Variants in GOLM1 observed in about 807,000 individuals in gnomAD.
GOLM1 encodes epididymis luminal protein 46.
In GOLM1, 31 loss-of-function variants were observed where a neutral mutation model predicts 50.5. The ratio of observed to expected loss-of-function variants is 0.61; its 90% CI spans 0.46 to 0.83. The LOEUF (loss-of-function observed/expected upper bound fraction) is 0.83, where lower values mean the gene tolerates loss of function less well. Ranked by LOEUF, GOLM1 falls within the 40% of genes least tolerant of loss-of-function variation. The pLI is 0.00. For missense variants in GOLM1, 491 were observed against 501.3 expected (o/e 0.98, Z 0.20); for synonymous variants, 178 against 192.8 (o/e 0.92, Z 0.64).
At chr9:86,057,324 CAAT>C (rs1834022796) in intron 3 of GOLM1, among the ~76,000 whole-genome samples, 1 of 152,084 alleles carries the variant, frequency 6.6e-6, no homozygotes, top group African/African-American at 2.4e-5. Context: ...TATGAAAGCT[CAAT>C]AAGATGTAGT....
Position 86,066,444 on chromosome 9 carries a change from C to T in GOLM1, c.309+10968G>A, listed in dbSNP as rs144540491. ...AGCTTTTCTTCTTCTGGACACAAAACGATAAGCAAGTCACCAACACCTCTG... is the reference window on the plus strand; with the variant it reads ...AGCTTTTCTTCTTCTGGACACAAAATGATAAGCAAGTCACCAACACCTCTG... On this transcript the variant is annotated intron_variant, in intron 3 of 9. Coordinates refer to ENST00000388712, the MANE Select transcript of GOLM1 (RefSeq NM_016548.4). Among the ~76,000 whole-genome samples, 12 of 152,274 alleles carry T rather than the reference C, an allele frequency of 7.9e-5. No individual in the cohort carries two copies. In the South Asian group the frequency reaches 1.7e-3, roughly 21 times the overall value.
At chr9:86,055,464 G>T (rs1229926861) in intron 3 of GOLM1, among the ~76,000 whole-genome samples, 1 of 152,158 alleles carries the variant, frequency 6.6e-6, no homozygotes, top group Non-Finnish European at 1.5e-5. Context: ...TTTAAAGCAG[G>T]ATCCCTAAGA....
chr9:86,059,423 A>T (rs1328321283), intron 3 of GOLM1, among the ~76,000 whole-genome samples: 4 of 152,228 alleles, frequency 2.6e-5, no homozygotes, highest in Non-Finnish European at 5.9e-5. Flanking sequence ...ACATTACACT[A>T]AGCGAAAGAA....
intron 8 of GOLM1, 159 bp downstream of exon 8, chr9:86,035,209 A>G (rs1833095435): frequency 2.0e-6 from 2 of 985,364 alleles, no homozygotes; most frequent in African/African-American, 1.7e-5. Flanking sequence ...CTCCCTCTTG[A>G]TAACGAATAA....
chr9:86,092,857 T>G (rs1392052859), intron 1 of GOLM1, among the ~76,000 whole-genome samples: 1 of 152,176 alleles, frequency 6.6e-6, no homozygotes, highest in Admixed American at 6.5e-5. Context: ...TCTCCCACCT[T>G]AGAATTTATT....
In GOLM1 at chr9:86,026,251, C is replaced by A; in HGVS notation, c.*1566G>T. ...AAGCAAGAGAAAATTCCTATCAACC[C>A]CAAGGAGGACTCAAAGTGAGGCTGG... is the stretch of plus-strand genomic sequence containing the variant. On this transcript the variant is annotated 3_prime_UTR_variant, in exon 10 of 10. Transcript: ENST00000388712. The A allele has an allele frequency of 2.0e-5, 20 of 984,546 alleles. No individual in the cohort carries two copies. Among genetic ancestry groups the A allele is most frequent in the Non-Finnish European group, 2.4e-5 (20 of 829,486 alleles). 61.0% of individuals were successfully genotyped at this position (984,546 alleles called of 1,614,324 possible).
At chr9:86,076,257 A>T (rs903945041) in intron 3 of GOLM1, among the ~76,000 whole-genome samples, 3 of 151,624 alleles carry the variant, frequency 2.0e-5, no homozygotes, top group Admixed American at 6.6e-5. Context: ...CATCACTACT[A>T]AAAAATACAA....
chr9:86,045,643 C>G (rs1833512245), intron 5 of GOLM1, among the ~76,000 whole-genome samples: 3 of 150,410 alleles, frequency 2.0e-5, no homozygotes, highest in African/African-American at 4.9e-5. Context: ...CCACTGCACT[C>G]CAGCATGGGG....
At position 86,026,630 on chromosome 9, in the gene GOLM1, A is replaced by G. The variant is rs1274423455; in HGVS notation, c.*1187T>C. On this transcript the variant is annotated 3_prime_UTR_variant, in exon 10 of 10. Transcript: ENST00000388712. Reference sequence around the variant, plus strand: ...TACCCCTTAGAGAGCCTTACTGGGAAGTCAGTCATTAATGATGTGGCCAGT... The same window carrying G: ...TACCCCTTAGAGAGCCTTACTGGGAGGTCAGTCATTAATGATGTGGCCAGT... The G allele has an allele frequency of 2.0e-6, 2 of 984,442 alleles. No individual in the cohort carries two copies. Among genetic ancestry groups the G allele is most frequent in the African/African-American group, 3.5e-5 (2 of 57,226 alleles). 61.0% of individuals were successfully genotyped at this position (984,442 alleles called of 1,614,324 possible).
intron 3 of GOLM1, among the ~76,000 whole-genome samples, chr9:86,053,292 A>G (rs1833836095): frequency 7.4e-6 from 1 of 134,790 alleles, no homozygotes; most frequent in Non-Finnish European, 1.6e-5. Context: ...ACCATTCCAC[A>G]CCACACACCA....
intron 1 of GOLM1, among the ~76,000 whole-genome samples, chr9:86,095,676 A>G (rs1835337525): frequency 6.6e-6 from 1 of 152,174 alleles, no homozygotes; most frequent in Admixed American, 6.5e-5. Flanking sequence ...CGTGGGAAAG[A>G]CCCAAAAGAG....
intron 3 of GOLM1, among the ~76,000 whole-genome samples, chr9:86,061,757 G>T (rs1244966143): frequency 6.6e-6 from 1 of 152,236 alleles, no homozygotes; most frequent in African/African-American, 2.4e-5. Flanking sequence ...GCATGGGTCA[G>T]AGTGTGAATG....
chr9:86,041,291 A>T (rs546198209), intron 5 of GOLM1, among the ~76,000 whole-genome samples: 10 of 152,272 alleles, frequency 6.6e-5, no homozygotes, highest in African/African-American at 1.9e-4. Flanking sequence ...GTGGGGAAGG[A>T]TGGGCGTCAG....
rs1832828487 is a variant in GOLM1 at position 86,027,695 on chromosome 9, A to G, written c.*122T>C. 4 of 1,431,848 alleles carry G rather than the reference A, an allele frequency of 2.8e-6. No individual in the cohort carries two copies. Among genetic ancestry groups the G allele is most frequent in the South Asian group, 1.6e-5 (1 of 63,308 alleles). The allele number at this position is 1,431,848 out of a possible 1,614,324, so 88.7% of individuals were successfully genotyped here. On this transcript the variant is annotated 3_prime_UTR_variant, in exon 10 of 10. Transcript: ENST00000388712. ...ACAAAGTGCATACTAAAATTTCACAATAATCATCTTCAGATGTACATTTTA... is the reference window on the plus strand; with the variant it reads ...ACAAAGTGCATACTAAAATTTCACAGTAATCATCTTCAGATGTACATTTTA...
chr9:86,042,043 G>A (rs937216659), intron 5 of GOLM1, among the ~76,000 whole-genome samples: 1 of 152,166 alleles, frequency 6.6e-6, no homozygotes, highest in Non-Finnish European at 1.5e-5. Flanking sequence ...CGTGAACCCG[G>A]GAGGCGGAGC....
At chr9:86,034,995 G>T (rs1833089019) in intron 8 of GOLM1, 1 of 983,778 alleles carries the variant, frequency 1.0e-6, no homozygotes, top group East Asian at 1.1e-4. Flanking sequence ...CATTCACTAG[G>T]CACTGATTGT....
chr9:86,062,600 GGGA>G (rs1368996850), intron 3 of GOLM1, among the ~76,000 whole-genome samples: 8 of 151,256 alleles, frequency 5.3e-5, no homozygotes, highest in Non-Finnish European at 8.9e-5. Context: ...GGGTCTGGAG[GGGA>G]GGAGGGCAAG....
chr9:86,088,420 G>GCATATATATATATA (rs1835048729), intron 1 of GOLM1, among the ~76,000 whole-genome samples: 1 of 86,306 alleles, frequency 1.2e-5, no homozygotes, highest in Non-Finnish European at 2.1e-5. Flanking sequence ...TTTGAAGGGT[G>GCATATATATATATA]TATATATATA....
At chr9:86,095,730 A>T (rs1835338583) in intron 1 of GOLM1, among the ~76,000 whole-genome samples, 1 of 152,190 alleles carries the variant, frequency 6.6e-6, no homozygotes, top group East Asian at 1.9e-4. Context: ...ACCAGCTGAA[A>T]CTTGCAGTGT....
Sources: allele counts gnomAD v4.1 joint callset (sites outside exome capture counted in the v4.1 genomes callset), GRCh38; gene constraint gnomAD v4.1.1; transcripts MANE v1.5; gene names NCBI Gene and HGNC (gene_info 2026-07-23, HGNC 2026-07-21).